FBLN7: variants seen among roughly 807,000 people sequenced by gnomAD.
FBLN7 encodes the protein fibulin 7.
In FBLN7, 31 loss-of-function variants were observed where a neutral mutation model predicts 44.0. The ratio of observed to expected loss-of-function variants is 0.70; its 90% CI spans 0.53 to 0.95. The LOEUF (loss-of-function observed/expected upper bound fraction) is 0.95. Ranked by LOEUF, FBLN7 falls within the 40% of genes least tolerant of loss-of-function variation. The pLI is 0.00. For synonymous variants in FBLN7, 262 were observed against 253.4 expected (o/e 1.03, Z -0.32); for missense variants, 573 against 618.5 (o/e 0.93, Z 0.78).
At chr2:112,239,876 T>C in the FBLN7 span, among the ~76,000 whole-genome samples, 1 of 152,150 alleles carries the variant, frequency 6.6e-6, no homozygotes, top group Non-Finnish European at 1.5e-5. Context: ...TGAGCCACCA[T>C]GCCCGGCAAC....
In FBLN7 at chr2:112,184,629, AAG is replaced by A. The variant is rs552485676; in HGVS notation, c.809-571_809-570del. On this transcript the variant is annotated intron_variant, in intron 6 of 7. Transcript: ENST00000331203. Reference sequence around the variant, plus strand: ...TTTCTAGAAGATTCTAATTTAAAAAAAGTGTGTGTATATATAGTATATATAGG... The same window carrying A: ...TTTCTAGAAGATTCTAATTTAAAAAATGTGTGTATATATAGTATATATAGG... Among the ~76,000 whole-genome samples, 165 of 151,300 alleles carry A rather than the reference AAG, an allele frequency of 1.1e-3. 1 individual carries two copies. The highest frequency in any genetic ancestry group is 3.8e-3 in the African/African-American group (156 of 41,204).
rs1176718140 is a variant in FBLN7, at chr2:112,158,053, T to A, written c.76-1623T>A. 4.6e-5 allele frequency among the ~76,000 whole-genome samples: 7 copies of A among 151,682 alleles called. 1 individual carries two copies. The highest frequency in any genetic ancestry group is 7.4e-5 in the Non-Finnish European group (5 of 67,904). On this transcript the variant is annotated intron_variant, in intron 1 of 7. Coordinates refer to ENST00000331203, the MANE Select transcript of FBLN7 (RefSeq NM_153214.3). The stretch of plus-strand genomic sequence containing the variant: ...GGTGGGACTACAGGCACCCGCCACC[T>A]CACCCGGATAATTTTTTGTATTTTT...
At chr2:112,211,556 G>A in the FBLN7 span, 11 of 152,074 alleles carry the variant, frequency 7.2e-5, no homozygotes, top group Middle Eastern at 3.2e-3. Flanking sequence ...ATTTAACTAT[G>A]TACAACTTCA....
At chr2:112,240,952 A>AGTGTGTGTGTGTGTGTGTGT in the FBLN7 span, among the ~76,000 whole-genome samples, 1 of 142,604 alleles carries the variant, frequency 7.0e-6, no homozygotes, top group Non-Finnish European at 1.5e-5. Context: ...TACAGGTAAC[A>AGTGTGTGTGTGTGTGTGTGT]GTGTGTGTGT....
At chr2:112,170,652 T>G (rs1682411486) in intron 3 of FBLN7, among the ~76,000 whole-genome samples, 1 of 152,088 alleles carries the variant, frequency 6.6e-6, no homozygotes, top group African/African-American at 2.4e-5. Context: ...TTGCTGGAGA[T>G]TATATGAGCT....
At chr2:112,233,516 T>C in the FBLN7 span, 16 of 618,740 alleles carry the variant, frequency 2.6e-5, no homozygotes, top group African/African-American at 3.1e-4. Context: ...GTTAATAAAT[T>C]ATAACCACAT....
intron 1 of FBLN7, among the ~76,000 whole-genome samples, chr2:112,153,894 G>T (rs757380989): frequency 6.6e-6 from 1 of 152,224 alleles, no homozygotes; most frequent in Non-Finnish European, 1.5e-5. Context: ...AAGGGCAGGG[G>T]TGGATGGAGC....
rs772749932 is a variant in FBLN7 at position 112,138,717 on chromosome 2, C to T, written c.62C>T (p.Pro21Leu). 1 of 1,612,856 alleles carries T rather than the reference C, an allele frequency of 6.2e-7. No individual in the cohort carries two copies. Among genetic ancestry groups the T allele is most frequent in the South Asian group, 1.1e-5 (1 of 91,016 alleles). Residue 21 changes from proline (P) to leucine (L), a missense_variant, in exon 1 of 8, where the codon CCG (proline) becomes CTG (leucine). Pro to Leu is a moderately conservative substitution (Grantham distance 98, BLOSUM62 -3). Coordinates refer to ENST00000331203, the MANE Select transcript of FBLN7 (RefSeq NM_153214.3). ...CTCCTGATCCTCGCCTGCCCCGAGC[C>T]GCGGGCTTCCCAGGTCAGTGTCCCT... Reference protein sequence around the residue: ...LLLLILACPEPRASQNCLSKQ... With the variant: ...LLLLILACPELRASQNCLSKQ...
chr2:112,214,482 T>C, the FBLN7 span: 1 of 152,244 alleles, frequency 6.6e-6, no homozygotes, highest in East Asian at 1.9e-4. Flanking sequence ...TTTTATTATA[T>C]ATATATTATA....
At chr2:112,201,487 T>C in the FBLN7 span, among the ~76,000 whole-genome samples, 3 of 152,368 alleles carry the variant, frequency 2.0e-5, no homozygotes, top group South Asian at 2.1e-4. Flanking sequence ...CCTGCACATC[T>C]TATTTGAAAA....
chr2:112,238,805 T>C, the FBLN7 span, among the ~76,000 whole-genome samples: 120 of 152,384 alleles, frequency 7.9e-4, no homozygotes, highest in Non-Finnish European at 1.5e-3. Context: ...GTACATTGTG[T>C]GCCTTTGACT....
At chr2:112,238,584 G>A in the FBLN7 span, 2 of 1,429,844 alleles carry the variant, frequency 1.4e-6, no homozygotes, top group Admixed American at 2.0e-5. Flanking sequence ...AAAACAATCT[G>A]GCTATACAGA....
the FBLN7 span, among the ~76,000 whole-genome samples, chr2:112,196,374 CTTTTTTTTTTT>C: frequency 7.9e-5 from 5 of 63,258 alleles, no homozygotes; most frequent in East Asian, 5.2e-4. Flanking sequence ...TCTTCTTCTT[CTTTTTTTTTTT>C]TTTTTTTTTT....
intron 2 of FBLN7, among the ~76,000 whole-genome samples, chr2:112,160,783 C>CAG (rs1256052947): frequency 4.2e-5 from 6 of 142,758 alleles, no homozygotes; most frequent in East Asian, 2.0e-4. Flanking sequence ...GACGCACACG[C>CAG]ACGCACACGC....
At chr2:112,155,890 C>A (rs1681389193) in intron 1 of FBLN7, among the ~76,000 whole-genome samples, 1 of 152,240 alleles carries the variant, frequency 6.6e-6, no homozygotes, top group Non-Finnish European at 1.5e-5. Context: ...GGCCATCACC[C>A]CAGGTTCCTG....
intron 2 of FBLN7, among the ~76,000 whole-genome samples, chr2:112,160,773 G>GC (rs1681789682): frequency 3.6e-4 from 8 of 22,106 alleles, no homozygotes; most frequent in African/African-American, 1.8e-3. Flanking sequence ...CGCACACGCA[G>GC]ACGCACACGC....
At position 112,177,287 on chromosome 2, in the gene FBLN7, G is replaced by A. The variant is rs534773731; in HGVS notation, c.532+1448G>A. On this transcript the variant is annotated intron_variant, in intron 4 of 7. Transcript: ENST00000331203. ...GGTCCAGGGGGGCCTGTTATAAAGTGTCCCCATGGCCAGAATCTTCCCCAG... is the reference window on the plus strand; with the variant it reads ...GGTCCAGGGGGGCCTGTTATAAAGTATCCCCATGGCCAGAATCTTCCCCAG... 3.9e-5 allele frequency: 6 copies of A among 152,328 alleles called. No homozygotes were observed. The South Asian group carries it at 8.3e-4, about 21-fold the overall frequency. 9.4% of individuals were successfully genotyped at this position (152,328 alleles called of 1,614,324 possible).
intron 3 of FBLN7, among the ~76,000 whole-genome samples, chr2:112,168,094 C>G (rs950763972): frequency 4.6e-5 from 7 of 152,188 alleles, no homozygotes; most frequent in Middle Eastern, 3.2e-3. Flanking sequence ...AGCAAGCCTA[C>G]TGACCTTTCC....
At chr2:112,147,349 G>A (rs1680943642) in intron 1 of FBLN7, among the ~76,000 whole-genome samples, 1 of 151,976 alleles carries the variant, frequency 6.6e-6, no homozygotes, top group Non-Finnish European at 1.5e-5. Context: ...GGACCACTCC[G>A]CATTTCTACA....
Sources: allele counts gnomAD v4.1 joint callset (sites outside exome capture counted in the v4.1 genomes callset), GRCh38; gene constraint gnomAD v4.1.1; transcripts MANE v1.5; gene names NCBI Gene and HGNC (gene_info 2026-07-23, HGNC 2026-07-21).